The following ZDHHC7 variants were observed in gnomAD, a reference collection of about 807,000 sequenced individuals.
ZDHHC7 encodes zDHHC palmitoyltransferase 7.
A neutral mutation model predicts 34.1 loss-of-function variants in ZDHHC7; 12 were observed. That is an observed-to-expected ratio of 0.35 (90% confidence interval 0.23 to 0.57). ZDHHC7 has a LOEUF of 0.57. Among genes scored for constraint, ZDHHC7 ranks in the 20% least tolerant of loss-of-function variants. The pLI is 0.84. For synonymous variants in ZDHHC7, 185 were observed against 155.4 expected (o/e 1.19, Z -1.42); for missense variants, 388 against 402.7 (o/e 0.96, Z 0.31).
intron 6 of ZDHHC7, 103 bp downstream of exon 6, chr16:84,977,821 G>A (rs1005629844): frequency 1.1e-6 from 1 of 870,966 alleles, no homozygotes; most frequent in Non-Finnish European, 1.8e-6. Context: ...TAATTGCAAT[G>A]ATTTCCTTCA....
chr16:85,002,982 C>G (rs978211966), intron 1 of ZDHHC7, among the ~76,000 whole-genome samples: 1 of 152,060 alleles, frequency 6.6e-6, no homozygotes, highest in Non-Finnish European at 1.5e-5. Context: ...CCTTAAGTGT[C>G]TCATAGAGGA....
intron 3 of ZDHHC7, 113 bp downstream of exon 3, chr16:84,990,191 T>A (rs1308749373): frequency 7.8e-7 from 1 of 1,274,206 alleles, no homozygotes; most frequent in Non-Finnish European, 1.1e-6. Context: ...CCTTTCTTGT[T>A]CCACACCCAT....
chr16:85,005,467 C>T (rs35033855), intron 1 of ZDHHC7, among the ~76,000 whole-genome samples: 25,322 of 152,172 alleles, frequency 0.17, 2,164 homozygotes, highest in Middle Eastern at 0.21. Flanking sequence ...CCAGGCGTAT[C>T]ACGAGCTCAT....
intron 4 of ZDHHC7, 100 bp downstream of exon 4, chr16:84,981,770 G>T (rs1006936931): frequency 8.8e-6 from 14 of 1,591,262 alleles, no homozygotes; most frequent in Non-Finnish European, 1.2e-5. Context: ...GATGCTCGGG[G>T]GCCATGTACC....
intron 3 of ZDHHC7, among the ~76,000 whole-genome samples, chr16:84,986,028 T>C (rs1007570884): frequency 2.1e-5 from 3 of 142,968 alleles, no homozygotes; most frequent in African/African-American, 7.9e-5. Context: ...GTGGTATAAA[T>C]ACATTGCTTT....
intron 1 of ZDHHC7, among the ~76,000 whole-genome samples, chr16:85,006,932 T>A (rs2072724688): frequency 6.6e-6 from 1 of 151,956 alleles, no homozygotes. Flanking sequence ...TTCCTCCAAT[T>A]AGAATTCTTT....
At position 84,990,415 on chromosome 16, in the gene ZDHHC7, G is replaced by A. The variant is rs1264156880; in HGVS notation, c.204C>T (p.Val68=). 1.2e-6 allele frequency: 2 copies of A among 1,614,038 alleles called. No homozygotes were observed. Among genetic ancestry groups the A allele is most frequent in the East Asian group, 2.2e-5 (1 of 44,884 alleles). Residue 68 remains valine, a synonymous_variant, in exon 3 of 8, where the codon GTC becomes GTT. Transcript: ENST00000313732. The part of the protein sequence containing the change: ...VAYADFVVTF[V]MLLPSKDFWY... ...AGAAGTCTTTGGAAGGCAGCAGCATGACGAAAGTCACCACGAAGTCTGCAT... is the reference window on the plus strand; with the variant it reads ...AGAAGTCTTTGGAAGGCAGCAGCATAACGAAAGTCACCACGAAGTCTGCAT...
chr16:84,987,604 C>T (rs1169715923), intron 3 of ZDHHC7, among the ~76,000 whole-genome samples: 4 of 152,096 alleles, frequency 2.6e-5, no homozygotes, highest in Non-Finnish European at 5.9e-5. Flanking sequence ...TAGGTATATA[C>T]CCAAGAGGAA....
intron 4 of ZDHHC7, among the ~76,000 whole-genome samples, chr16:84,981,168 C>G (rs1371227552): frequency 6.6e-6 from 1 of 152,126 alleles, no homozygotes; most frequent in African/African-American, 2.4e-5. Flanking sequence ...CCTCCAGGAG[C>G]AGAAAAAGGA....
At position 84,990,555 on chromosome 16, in the gene ZDHHC7, TGTC is replaced by T; in HGVS notation, c.61_63del (p.Asp21del). Reference sequence around the variant, plus strand: ...GAGGAGGACGATGAAGAGTCATAGTTGTCATTTTCAGCCAGGAGAGGATGATGC... The same window carrying T: ...GAGGAGGACGATGAAGAGTCATAGTTATTTTCAGCCAGGAGAGGATGATGC... On this transcript the variant is annotated inframe_deletion, in exon 3 of 8. Transcript: ENST00000313732. 1 of 1,614,104 alleles carries T rather than the reference TGTC, an allele frequency of 6.2e-7. No homozygotes were observed. The highest frequency in any genetic ancestry group is 8.5e-7 in the Non-Finnish European group (1 of 1,180,014).
the ZDHHC7 span, among the ~76,000 whole-genome samples, chr16:85,024,076 C>T: frequency 3.9e-5 from 6 of 152,164 alleles, no homozygotes; most frequent in Admixed American, 3.9e-4. Context: ...TGCCACCACG[C>T]TTGACTAATT....
rs141891343 is a variant in ZDHHC7, at chr16:85,009,852, G to A, written c.-104+1434C>T. Among the ~76,000 whole-genome samples, 385 of 151,864 alleles carry A rather than the reference G, an allele frequency of 2.5e-3. 1 individual carries two copies. The highest frequency in any genetic ancestry group is 8.9e-3 in the African/African-American group (368 of 41,374). The stretch of plus-strand genomic sequence containing the variant: ...GCCTCCCGAGTAGCTGGGACTACAG[G>A]CGCCCACCACCATGCCCAGCTAATT... On this transcript the variant is annotated intron_variant, in intron 1 of 7. Coordinates refer to ENST00000313732, the MANE Select transcript of ZDHHC7 (RefSeq NM_017740.3).
At chr16:85,018,576 T>C in the ZDHHC7 span, among the ~76,000 whole-genome samples, 1 of 152,084 alleles carries the variant, frequency 6.6e-6, no homozygotes, top group Non-Finnish European at 1.5e-5. Flanking sequence ...GCCTCCCTGG[T>C]AGCTGGGATT....
chr16:84,998,064 A>G (rs1273157027), intron 1 of ZDHHC7, among the ~76,000 whole-genome samples: 2 of 149,674 alleles, frequency 1.3e-5, no homozygotes, highest in African/African-American at 4.9e-5. Context: ...ATCGAGACCA[A>G]CCTAGCTACT....
intron 2 of ZDHHC7, among the ~76,000 whole-genome samples, chr16:84,995,106 G>C (rs569039085): frequency 6.6e-6 from 1 of 152,160 alleles, no homozygotes; most frequent in Non-Finnish European, 1.5e-5. Context: ...AACCACCGTT[G>C]ACTTCATACT....
At chr16:85,005,107 G>A (rs2072702538) in intron 1 of ZDHHC7, 2 of 152,126 alleles carry the variant, frequency 1.3e-5, no homozygotes, top group Admixed American at 6.5e-5. Flanking sequence ...ATCCCAGCAT[G>A]GTAACTAAAC....
At chr16:84,989,333 T>G (rs1297118607) in intron 3 of ZDHHC7, among the ~76,000 whole-genome samples, 1 of 152,210 alleles carries the variant, frequency 6.6e-6, no homozygotes, top group Non-Finnish European at 1.5e-5. Context: ...TTAATTCAGA[T>G]AAAGCAAAGA....
At chr16:85,007,543 C>A (rs955900536) in intron 1 of ZDHHC7, among the ~76,000 whole-genome samples, 1 of 151,306 alleles carries the variant, frequency 6.6e-6, no homozygotes, top group African/African-American at 2.4e-5. Context: ...AAAAAACAAT[C>A]AAAAAGGCAA....
At chr16:84,977,585 G>A (rs2072314265) in intron 6 of ZDHHC7, among the ~76,000 whole-genome samples, 1 of 152,200 alleles carries the variant, frequency 6.6e-6, no homozygotes, top group Admixed American at 6.5e-5. Context: ...CCCTGGGGTG[G>A]GATGAGCCTG....
Sources: allele counts gnomAD v4.1 joint callset (sites outside exome capture counted in the v4.1 genomes callset), GRCh38; gene constraint gnomAD v4.1.1; transcripts MANE v1.5; gene names NCBI Gene and HGNC (gene_info 2026-07-23, HGNC 2026-07-21).